Variants in ARFGEF1 observed in about 807,000 individuals in gnomAD.
The protein encoded by ARFGEF1 is brefeldin A-inhibited guanine nucleotide-exchange protein 1.
In ARFGEF1, 42 loss-of-function variants were observed where a neutral mutation model predicts 231.0. That is an observed-to-expected ratio of 0.18 (90% confidence interval 0.14 to 0.24). ARFGEF1 has a LOEUF of 0.24. Ranked by LOEUF, ARFGEF1 falls within the 10% of genes least tolerant of loss-of-function variation. The pLI is 1.00. For synonymous variants in ARFGEF1, 710 were observed against 732.3 expected, an observed-to-expected ratio of 0.97 and a Z score of 0.49; for missense variants, 1,345 against 2,192.0, an observed-to-expected ratio of 0.61 and a Z score of 7.72.
intron 18 of ARFGEF1, among the ~76,000 whole-genome samples, chr8:67,252,429 T>A (rs1170544820): frequency 6.6e-6 from 1 of 152,066 alleles, no homozygotes; most frequent in East Asian, 1.9e-4. Context: ...CCATCTCCTT[T>A]CCATTTCCAG....
intron 5 of ARFGEF1, among the ~76,000 whole-genome samples, chr8:67,183,186 G>A (rs1456198580): frequency 6.6e-6 from 1 of 152,194 alleles, no homozygotes; most frequent in Non-Finnish European, 1.5e-5. Flanking sequence ...AGGAGAAATA[G>A]ATGAATCCAC....
chr8:67,304,733 C>T (rs765062069), intron 1 of ARFGEF1, among the ~76,000 whole-genome samples: 3 of 152,178 alleles, frequency 2.0e-5, no homozygotes, highest in Non-Finnish European at 4.4e-5. Context: ...GCACAGGAAT[C>T]GCTTGAACCC....
chr8:67,290,234 G>A (rs1039698251), intron 6 of ARFGEF1, among the ~76,000 whole-genome samples: 2 of 152,092 alleles, frequency 1.3e-5, no homozygotes, highest in Admixed American at 6.6e-5. Flanking sequence ...CTTCTACAGC[G>A]GTACCTCACA....
At chr8:67,177,674 C>T (rs1832019846) in intron 5 of ARFGEF1, 1 of 1,603,322 alleles carries the variant, frequency 6.2e-7, no homozygotes, top group Non-Finnish European at 8.5e-7. Context: ...TCTCCATTGA[C>T]TACAGTTGAC....
chr8:67,222,868 G>A (rs368431684), intron 29 of ARFGEF1, among the ~76,000 whole-genome samples: 9 of 152,184 alleles, frequency 5.9e-5, no homozygotes, highest in African/African-American at 2.2e-4. Flanking sequence ...TTACAGGCGT[G>A]AGCCACTGCA....
intron 1 of ARFGEF1, 110 bp downstream of exon 1, chr8:67,343,054 G>A (rs1354201072): frequency 3.0e-6 from 4 of 1,312,576 alleles, no homozygotes; most frequent in Admixed American, 4.7e-5. Context: ...GCTTCCCGAG[G>A]TCAGAGGCGC....
chr8:67,183,111 C>T (rs1295722103), intron 5 of ARFGEF1, among the ~76,000 whole-genome samples: 2 of 152,220 alleles, frequency 1.3e-5, no homozygotes, highest in Non-Finnish European at 2.9e-5. Context: ...ATAGGTTTAG[C>T]TCTTAATGTT....
intron 15 of ARFGEF1, among the ~76,000 whole-genome samples, chr8:67,258,818 T>TACAC (rs10576509): frequency 0.02 from 2,929 of 143,012 alleles, 53 homozygotes; most frequent in East Asian, 0.032. Context: ...AAGCAGATTT[T>TACAC]ACACACACAC....
intron 29 of ARFGEF1, among the ~76,000 whole-genome samples, chr8:67,222,231 GTATGTATGTA>G (rs1839215506): frequency 1.1e-5 from 1 of 88,664 alleles, no homozygotes; most frequent in African/African-American, 4.6e-5. Flanking sequence ...ATATGTATAT[GTATGTATGTA>G]TGTATGTATG....
At chr8:67,310,775 T>A (rs1270540917) in intron 1 of ARFGEF1, among the ~76,000 whole-genome samples, 1 of 150,270 alleles carries the variant, frequency 6.7e-6, no homozygotes, top group Non-Finnish European at 1.5e-5. Flanking sequence ...GAGGAGCGTC[T>A]CTGCCCGGCT....
chr8:67,249,943 G>C (rs1414749984), intron 19 of ARFGEF1, among the ~76,000 whole-genome samples: 2 of 152,162 alleles, frequency 1.3e-5, no homozygotes, highest in Non-Finnish European at 2.9e-5. Context: ...ATTTAAACTG[G>C]AAACTACTCA....
chr8:67,192,288 T>TA (rs1435334849), intron 5 of ARFGEF1, among the ~76,000 whole-genome samples: 1 of 152,170 alleles, frequency 6.6e-6, no homozygotes, highest in East Asian at 1.9e-4. Context: ...TTGGCCAGGC[T>TA]GGTCTTGAAC....
At chr8:67,180,243 G>A (rs1180926717) in intron 5 of ARFGEF1, among the ~76,000 whole-genome samples, 1 of 152,154 alleles carries the variant, frequency 6.6e-6, no homozygotes, top group Non-Finnish European at 1.5e-5. Context: ...GTACATCCAT[G>A]CCATGGAATA....
At chr8:67,228,167 A>G (rs1415412220) in intron 24 of ARFGEF1, 35 bp from the exon 25 acceptor site, 3 of 1,606,260 alleles carry the variant, frequency 1.9e-6, no homozygotes, top group Admixed American at 1.7e-5. Flanking sequence ...TTAGCTCAAC[A>G]TTAAAGTTAT....
intron 1 of ARFGEF1, among the ~76,000 whole-genome samples, chr8:67,322,290 C>T (rs1044748849): frequency 6.6e-6 from 1 of 152,232 alleles, no homozygotes; most frequent in African/African-American, 2.4e-5. Flanking sequence ...AACTCTCTCA[C>T]ACTTTGGGTT....
Position 67,243,395 on chromosome 8 carries a change from G to A in ARFGEF1, c.2851-3105C>T, listed in dbSNP as rs182650760. 2.0e-5 allele frequency among the ~76,000 whole-genome samples: 3 copies of A among 152,316 alleles called. No homozygotes were observed. In the East Asian group the frequency reaches 5.8e-4, roughly 29 times the overall value. ...GAGCAAAATCATGTCTTACAACACA[G>A]CAGCAGGCAAGAGAGAGCTTGTGTG... On this transcript the variant is annotated intron_variant, in intron 19 of 38. Transcript: ENST00000262215.
At chr8:67,264,650 G>A (rs902744664) in intron 14 of ARFGEF1, among the ~76,000 whole-genome samples, 1 of 152,112 alleles carries the variant, frequency 6.6e-6, no homozygotes, top group Non-Finnish European at 1.5e-5. Context: ...CTGGTGTCAT[G>A]AAACAGTTGT....
chr8:67,236,344 T>G (rs570200772), intron 22 of ARFGEF1, among the ~76,000 whole-genome samples: 1 of 45,090 alleles, frequency 2.2e-5, no homozygotes, highest in Non-Finnish European at 4.3e-5. Flanking sequence ...AAAAAAGATA[T>G]TAGTTAAAAA....
chr8:67,317,370 A>G (rs1340003170), intron 1 of ARFGEF1, among the ~76,000 whole-genome samples: 1 of 152,154 alleles, frequency 6.6e-6, no homozygotes, highest in African/African-American at 2.4e-5. Context: ...AAGTGAAAAC[A>G]GTTTTGCCAA....
Sources: allele counts gnomAD v4.1 joint callset (sites outside exome capture counted in the v4.1 genomes callset), GRCh38; gene constraint gnomAD v4.1.1; transcripts MANE v1.5; gene names NCBI Gene and HGNC (gene_info 2026-07-23, HGNC 2026-07-21).